The following GLRA2 variants were observed in gnomAD, a reference collection of about 807,000 sequenced individuals.
GLRA2 encodes the protein glycine receptor subunit alpha-2.
Under a neutral mutation model 31.6 loss-of-function variants are expected in GLRA2, and 11 were observed. That is an observed-to-expected ratio of 0.35 (90% confidence interval 0.22 to 0.58). The LOEUF is 0.58. Ranked by LOEUF, GLRA2 falls within the 20% of genes least tolerant of loss-of-function variation. The pLI, the probability that GLRA2 is intolerant of heterozygous loss-of-function variation, is 0.84. For synonymous variants in GLRA2, 132 were observed against 134.0 expected, an observed-to-expected ratio of 0.99 and a Z score of 0.10; for missense variants, 212 against 351.8, an observed-to-expected ratio of 0.60 and a Z score of 3.18.
chrX:14,646,061 A>G (rs923643695), intron 7 of GLRA2, among the ~76,000 whole-genome samples: 2 of 112,342 alleles, frequency 1.8e-5, no homozygotes, highest in Admixed American at 9.4e-5. Context: ...AAAATAGCCA[A>G]TTTAATTGCA....
At chrX:14,663,972 GATTA>G (rs1403105351) in intron 7 of GLRA2, among the ~76,000 whole-genome samples, 1 of 110,626 alleles carries the variant, frequency 9.0e-6, no homozygotes, top group Non-Finnish European at 1.9e-5. Flanking sequence ...TCTCTTTCTT[GATTA>G]GTCTAGCAGT....
chrX:14,495,942 G>A, the GLRA2 span, among the ~76,000 whole-genome samples: 1 of 111,047 alleles, frequency 9.0e-6, no homozygotes, highest in African/African-American at 3.3e-5. Flanking sequence ...TGGTTTTCAG[G>A]ATAGTTTTGT....
the GLRA2 span, among the ~76,000 whole-genome samples, chrX:14,511,304 G>C: frequency 1.8e-5 from 2 of 111,910 alleles, no homozygotes; most frequent in East Asian, 5.5e-4. Context: ...TGGTGTGCTA[G>C]TCAAGAAGCA....
At chrX:14,568,867 G>C (rs1011333659) in intron 2 of GLRA2, among the ~76,000 whole-genome samples, 1 of 111,282 alleles carries the variant, frequency 9.0e-6, no homozygotes, top group African/African-American at 3.3e-5. Context: ...TAAAATATAG[G>C]GGTAAACGTT....
the GLRA2 span, among the ~76,000 whole-genome samples, chrX:14,500,309 C>T: frequency 2.7e-5 from 3 of 111,998 alleles, no homozygotes; most frequent in South Asian, 1.1e-3. Context: ...GGTTCTAATA[C>T]ACAATTAGAG....
chrX:14,580,714 A>T (rs2090007535), intron 3 of GLRA2, among the ~76,000 whole-genome samples: 1 of 112,070 alleles, frequency 8.9e-6, no homozygotes, highest in African/African-American at 3.2e-5. Context: ...ATCATGTCAT[A>T]GTTTTATAAG....
chrX:14,720,461 C>T (rs1445772935), intron 8 of GLRA2, among the ~76,000 whole-genome samples: 4 of 111,649 alleles, frequency 3.6e-5, no homozygotes, highest in Non-Finnish European at 7.5e-5. Context: ...GTATCTGCTC[C>T]ACTTACTCAA....
At chrX:14,618,998 C>G (rs1375594120) in intron 7 of GLRA2, among the ~76,000 whole-genome samples, 1 of 111,455 alleles carries the variant, frequency 9.0e-6, no homozygotes, top group African/African-American at 3.3e-5. Context: ...TCGGACACAC[C>G]TAATAATCTC....
intron 7 of GLRA2, among the ~76,000 whole-genome samples, chrX:14,639,707 G>A (rs2090752967): frequency 9.0e-6 from 1 of 111,522 alleles, no homozygotes; most frequent in African/African-American, 3.3e-5. Flanking sequence ...CAAATGCCTG[G>A]AGACCCTACC....
At chrX:14,459,716 T>A in the GLRA2 span, among the ~76,000 whole-genome samples, 12 of 111,988 alleles carry the variant, frequency 1.1e-4, no homozygotes, top group Non-Finnish European at 2.1e-4. Flanking sequence ...TTTTTGCACA[T>A]TGATTTTGTA....
intron 7 of GLRA2, among the ~76,000 whole-genome samples, chrX:14,687,627 G>C (rs913893924): frequency 8.9e-6 from 1 of 112,257 alleles, no homozygotes. Flanking sequence ...GCGTCACGTA[G>C]TTCTTGCGCC....
At chrX:14,524,659 A>G (rs2089181928), upstream of GLRA2, among the ~76,000 whole-genome samples, 3 of 111,462 alleles carry the variant, frequency 2.7e-5, no homozygotes, top group Admixed American at 9.6e-5. Flanking sequence ...GACACAGGAT[A>G]TTGATATATT....
the GLRA2 span, among the ~76,000 whole-genome samples, chrX:14,503,470 T>C: frequency 8.9e-6 from 1 of 111,756 alleles, no homozygotes; most frequent in African/African-American, 3.3e-5. Flanking sequence ...ATGTAGTATG[T>C]CAGCATGTTT....
intron 2 of GLRA2, among the ~76,000 whole-genome samples, chrX:14,535,588 A>G (rs1344717844): frequency 4.4e-5 from 5 of 112,507 alleles, no homozygotes; most frequent in African/African-American, 1.6e-4. Context: ...ATCCATAGAG[A>G]CGTGTTTCAG....
chrX:14,493,732 T>C, the GLRA2 span, among the ~76,000 whole-genome samples: 1 of 97,610 alleles, frequency 1.0e-5, no homozygotes, highest in Admixed American at 1.1e-4. Context: ...TACGTGTATA[T>C]GTATACATAT....
Position 14,690,783 on chromosome X carries a change from A to G in GLRA2, c.1004A>G (p.Tyr335Cys). 8.3e-7 allele frequency: 1 copy of G among 1,203,542 alleles called. No homozygotes were observed. The highest frequency in any genetic ancestry group is 1.1e-6 in the Non-Finnish European group (1 of 888,514). Residue 335 changes from tyrosine to cysteine, a missense_variant, in exon 8 of 9, where the codon TAC becomes TGC. Physicochemically the swap from Tyr to Cys is radical, Grantham distance 194. Coordinates refer to ENST00000218075, the MANE Select transcript of GLRA2 (RefSeq NM_002063.4). ...LLFVFAALLE[Y>C]AAVNFVSRQH... ...TTTGTGTTTGCTGCCTTACTGGAAT[A>G]CGCAGCGGTGAACTTCGTCTCCAGG...
chrX:14,516,414 T>C, the GLRA2 span, among the ~76,000 whole-genome samples: 2 of 112,125 alleles, frequency 1.8e-5, no homozygotes, highest in Admixed American at 1.9e-4. Flanking sequence ...TTAGATGTTT[T>C]GTAGTGAGAG....
At chrX:14,551,615 G>A (rs1416587445) in intron 2 of GLRA2, among the ~76,000 whole-genome samples, 1 of 111,443 alleles carries the variant, frequency 9.0e-6, no homozygotes, top group African/African-American at 3.3e-5. Context: ...ACATCTTTGA[G>A]TGCAAATTTG....
chrX:14,714,637 G>A (rs942569842), intron 8 of GLRA2, among the ~76,000 whole-genome samples: 5 of 111,673 alleles, frequency 4.5e-5, no homozygotes, highest in African/African-American at 6.5e-5. Context: ...CCACTACTGG[G>A]GGTGAAGTCT....
Sources: allele counts gnomAD v4.1 joint callset (sites outside exome capture counted in the v4.1 genomes callset), GRCh38; gene constraint gnomAD v4.1.1; transcripts MANE v1.5; gene names NCBI Gene and HGNC (gene_info 2026-07-23, HGNC 2026-07-21).